Variants in CNTNAP2 observed in about 807,000 individuals in gnomAD.
The protein encoded by CNTNAP2 is contactin-associated protein-like 2.
In CNTNAP2, 98 loss-of-function variants were observed where a neutral mutation model predicts 155.2. That is an observed-to-expected ratio of 0.63 (90% CI 0.54 to 0.75). The LOEUF is 0.75. Ranked by LOEUF, CNTNAP2 falls within the 30% of genes least tolerant of loss-of-function variation. CNTNAP2 has a pLI of 0.00. For missense variants in CNTNAP2, 1,727 were observed against 1,688.1 expected (o/e 1.02, Z -0.40); for synonymous variants, 651 against 631.2 (o/e 1.03, Z -0.47).
chr7:147,450,788 T>C (rs1172792514), intron 10 of CNTNAP2, among the ~76,000 whole-genome samples: 1 of 152,254 alleles, frequency 6.6e-6, no homozygotes, highest in African/African-American at 2.4e-5. Context: ...TATTCTTGTA[T>C]AAAGATGCTC....
At chr7:146,617,017 T>TTTTTTTTTGTTTG (rs113504240) in intron 1 of CNTNAP2, among the ~76,000 whole-genome samples, 1 of 151,274 alleles carries the variant, frequency 6.6e-6, no homozygotes, top group African/African-American at 2.4e-5. Flanking sequence ...AACCTGGTTT[T>TTTTTTTTTGTTTG]TTTGTTTGTT....
intron 13 of CNTNAP2, among the ~76,000 whole-genome samples, chr7:147,746,192 G>A (rs1486497260): frequency 6.6e-6 from 1 of 152,136 alleles, no homozygotes; most frequent in Non-Finnish European, 1.5e-5. Context: ...ATTAAAACTT[G>A]GGATAAAGCA....
Position 146,246,149 on chromosome 7 carries a change from G to A in CNTNAP2, c.97+129176G>A, listed in dbSNP as rs182319649. On this transcript the variant is annotated intron_variant, in intron 1 of 23. Transcript: ENST00000361727. ...GTGATATTGGCATTGAGTGGGGTAA[G>A]GGTGATTAGGTTTTAATGAGATGGT... 3.5e-3 allele frequency among the ~76,000 whole-genome samples: 529 copies of A among 151,916 alleles called. 1 individual carries two copies. The highest frequency in any genetic ancestry group is 4.8e-3 in the Admixed American group (74 of 15,272).
chr7:147,793,775 A>C (rs1797854011), intron 13 of CNTNAP2, among the ~76,000 whole-genome samples: 1 of 152,024 alleles, frequency 6.6e-6, no homozygotes, highest in East Asian at 1.9e-4. Flanking sequence ...CATATAAACA[A>C]TATTAAGTCT....
At chr7:146,340,493 A>AT (rs1434663529) in intron 1 of CNTNAP2, among the ~76,000 whole-genome samples, 1 of 151,998 alleles carries the variant, frequency 6.6e-6, no homozygotes, top group African/African-American at 2.4e-5. Flanking sequence ...GCTTAATTGA[A>AT]TTTTAGATAA....
intron 15 of CNTNAP2, among the ~76,000 whole-genome samples, chr7:148,063,003 C>G (rs1803185381): frequency 6.6e-6 from 1 of 151,924 alleles, no homozygotes; most frequent in African/African-American, 2.4e-5. Context: ...AAGAGAATAC[C>G]ATGAACAAAG....
chr7:147,362,526 C>T (rs1796163340), intron 9 of CNTNAP2, among the ~76,000 whole-genome samples: 1 of 152,208 alleles, frequency 6.6e-6, no homozygotes, highest in Admixed American at 6.5e-5. Context: ...TAAACATTCT[C>T]AGATTCCAGG....
chr7:146,699,860 C>T (rs746187008), intron 1 of CNTNAP2, among the ~76,000 whole-genome samples: 10 of 152,034 alleles, frequency 6.6e-5, no homozygotes, highest in Non-Finnish European at 1.3e-4. Flanking sequence ...TTCAGCGACT[C>T]GGAAGGCTGA....
At chr7:146,639,527 TA>T (rs2129160848) in intron 1 of CNTNAP2, among the ~76,000 whole-genome samples, 1 of 152,364 alleles carries the variant, frequency 6.6e-6, no homozygotes, top group East Asian at 1.9e-4. Context: ...TGCTTGAGTG[TA>T]AAATATATTT....
chr7:147,387,650 A>G (rs1488100253), intron 9 of CNTNAP2, among the ~76,000 whole-genome samples: 1 of 152,190 alleles, frequency 6.6e-6, no homozygotes, highest in Admixed American at 6.5e-5. Context: ...TGATACAAGC[A>G]TTCAATAATG....
intron 1 of CNTNAP2, among the ~76,000 whole-genome samples, chr7:146,501,918 A>ACC (rs1263953566): frequency 6.6e-6 from 1 of 152,014 alleles, no homozygotes; most frequent in South Asian, 2.1e-4. Flanking sequence ...CAAGCCATGG[A>ACC]ATGCCTGGGG....
intron 1 of CNTNAP2, among the ~76,000 whole-genome samples, chr7:146,667,950 G>A (rs934423128): frequency 6.6e-6 from 1 of 152,032 alleles, no homozygotes; most frequent in Non-Finnish European, 1.5e-5. Flanking sequence ...TCATTTGAAT[G>A]TGGATGCCCT....
At chr7:147,822,556 A>T (rs1200379372) in intron 13 of CNTNAP2, among the ~76,000 whole-genome samples, 3 of 152,206 alleles carry the variant, frequency 2.0e-5, no homozygotes, top group African/African-American at 7.2e-5. Flanking sequence ...AGCCTGCCAG[A>T]TTATGTCAAA....
chr7:148,067,355 T>C (rs534440487), intron 15 of CNTNAP2, among the ~76,000 whole-genome samples: 2 of 152,178 alleles, frequency 1.3e-5, no homozygotes, highest in East Asian at 3.9e-4. Context: ...TGGACTGCAG[T>C]GATTGTTATT....
intron 1 of CNTNAP2, among the ~76,000 whole-genome samples, chr7:146,458,930 C>T (rs1796596644): frequency 1.3e-5 from 2 of 152,160 alleles, no homozygotes; most frequent in South Asian, 4.1e-4. Flanking sequence ...TCTATATATA[C>T]ACATCCTATT....
At chr7:147,592,566 A>G (rs1305499200) in intron 12 of CNTNAP2, among the ~76,000 whole-genome samples, 7 of 151,684 alleles carry the variant, frequency 4.6e-5, no homozygotes, top group African/African-American at 1.7e-4. Flanking sequence ...TGATTCTATG[A>G]AATATCCCAT....
chr7:146,502,064 T>G (rs1797308307), intron 1 of CNTNAP2, among the ~76,000 whole-genome samples: 1 of 151,872 alleles, frequency 6.6e-6, no homozygotes, highest in Non-Finnish European at 1.5e-5. Context: ...GAAGTGAATA[T>G]TTTTAGCATT....
intron 1 of CNTNAP2, among the ~76,000 whole-genome samples, chr7:146,359,806 G>A (rs982112218): frequency 8.0e-5 from 12 of 150,922 alleles, no homozygotes; most frequent in South Asian, 2.1e-4. Flanking sequence ...GTGTGTGTGC[G>A]TGCGTGCGCA....
At chr7:147,112,891 C>T (rs1563080954) in intron 5 of CNTNAP2, among the ~76,000 whole-genome samples, 1 of 152,128 alleles carries the variant, frequency 6.6e-6, no homozygotes, top group Admixed American at 6.6e-5. Flanking sequence ...CAGGATGATG[C>T]TGGCCTCATA....
Sources: gnomAD v4.1 joint callset for allele counts (sites outside exome capture counted in the v4.1 genomes callset) on GRCh38, gnomAD v4.1.1 for gene constraint, MANE v1.5 for transcripts, NCBI Gene and HGNC (gene_info 2026-07-23, HGNC 2026-07-21) for gene names.